Variants in SULT2B1 observed in about 807,000 individuals in gnomAD.
SULT2B1 encodes sulfotransferase family 2B member 1.
SULT2B1 carries 16 observed loss-of-function variants against 33.2 expected under a neutral mutation model. The ratio of observed to expected loss-of-function variants is 0.48; its 90% CI spans 0.33 to 0.73. SULT2B1 has a LOEUF of 0.73. Among genes scored for constraint, SULT2B1 ranks in the 30% least tolerant of loss-of-function variants. SULT2B1 has a pLI of 0.02. For missense variants in SULT2B1, 500 were observed against 506.0 expected (o/e 0.99, Z 0.11); for synonymous variants, 186 against 200.5 (o/e 0.93, Z 0.61).
chr19:48,572,768 C>T (rs187230824), intron 1 of SULT2B1, among the ~76,000 whole-genome samples: 2 of 151,872 alleles, frequency 1.3e-5, no homozygotes, highest in East Asian at 2.0e-4. Context: ...GAGGAGAAGG[C>T]CTGAGGTGGG....
At chr19:48,584,563 C>T (rs1973538691) in intron 2 of SULT2B1, among the ~76,000 whole-genome samples, 1 of 152,190 alleles carries the variant, frequency 6.6e-6, no homozygotes, top group Admixed American at 6.5e-5. Flanking sequence ...AAGTTGGAGC[C>T]ACCAGCCTGT....
At chr19:48,577,574 C>G (rs981624342) in intron 2 of SULT2B1, among the ~76,000 whole-genome samples, 7 of 151,680 alleles carry the variant, frequency 4.6e-5, no homozygotes, top group African/African-American at 1.7e-4. Context: ...CCGTACTGGC[C>G]AGGATGGTCT....
chr19:48,573,269 G>A (rs764701179), intron 1 of SULT2B1, among the ~76,000 whole-genome samples: 2 of 151,980 alleles, frequency 1.3e-5, no homozygotes, highest in African/African-American at 2.4e-5. Flanking sequence ...CCACCCACCC[G>A]GAGGAGCTCT....
At chr19:48,577,427 G>A (rs1251098562) in intron 2 of SULT2B1, among the ~76,000 whole-genome samples, 7 of 134,672 alleles carry the variant, frequency 5.2e-5, no homozygotes, top group African/African-American at 1.1e-4. Context: ...GTGCAGTGGC[G>A]TGATCTCGGC....
At chr19:48,554,428 T>C (rs1180822587) in intron 1 of SULT2B1, among the ~76,000 whole-genome samples, 2 of 94,796 alleles carry the variant, frequency 2.1e-5, no homozygotes, top group African/African-American at 8.5e-5. Context: ...AGCCTGTCAG[T>C]CCCCAACCCC....
At chr19:48,572,129 G>C (rs919948936) in intron 1 of SULT2B1, among the ~76,000 whole-genome samples, 4 of 152,094 alleles carry the variant, frequency 2.6e-5, no homozygotes, top group Non-Finnish European at 5.9e-5. Flanking sequence ...GGATTGGAGG[G>C]GGATGGACAG....
Position 48,599,289 on chromosome 19 carries a change from T to TGAGCCC in SULT2B1, c.982_987dup (p.Glu328_Pro329dup). ...CAGATCCTGAGCCCAGCCCTGAGCC[T>TGAGCCC]GAGCCCAAGCCCAGCCTTGAGCCCA... On this transcript the variant is annotated inframe_insertion, in exon 7 of 7. Transcript: ENST00000201586. The surrounding 1 kb of genome is among the most constrained non-coding windows in gnomAD (Gnocchi z 4.1). The TGAGCCC allele has an allele frequency of 6.2e-7, 1 of 1,610,342 alleles. No individual in the cohort carries two copies. Among genetic ancestry groups the TGAGCCC allele is most frequent in the Non-Finnish European group, 8.5e-7 (1 of 1,178,560 alleles).
At chr19:48,583,298 A>G (rs1286679485) in intron 2 of SULT2B1, among the ~76,000 whole-genome samples, 1 of 152,144 alleles carries the variant, frequency 6.6e-6, no homozygotes, top group East Asian at 1.9e-4. Flanking sequence ...AAAAAATTAA[A>G]GATAGAATTA....
intron 1 of SULT2B1, among the ~76,000 whole-genome samples, chr19:48,568,285 CA>C (rs1325928170): frequency 0.016 from 1,313 of 82,458 alleles, 8 homozygotes; most frequent in Middle Eastern, 0.083. Flanking sequence ...GACTCCATCT[CA>C]AAAAAAAAAA....
At chr19:48,594,896 A>G (rs892646374) in intron 5 of SULT2B1, among the ~76,000 whole-genome samples, 18 of 51,614 alleles carry the variant, frequency 3.5e-4, no homozygotes, top group South Asian at 1.4e-3. Flanking sequence ...GTGCATGCCT[A>G]TAATCCCAGC....
At chr19:48,580,405 A>G (rs1410577214) in intron 2 of SULT2B1, among the ~76,000 whole-genome samples, 2 of 151,250 alleles carry the variant, frequency 1.3e-5, no homozygotes, top group Non-Finnish European at 2.9e-5. Flanking sequence ...GACCACAGAC[A>G]TGCACCACCA....
chr19:48,597,888 C>T (rs1387477520), intron 6 of SULT2B1, among the ~76,000 whole-genome samples: 25 of 152,016 alleles, frequency 1.6e-4, no homozygotes, highest in Non-Finnish European at 2.9e-5. Flanking sequence ...CCCGCCTCTT[C>T]CTCCCAAAGT....
chr19:48,586,427 A>G (rs1361679776), intron 2 of SULT2B1, among the ~76,000 whole-genome samples: 1 of 152,048 alleles, frequency 6.6e-6, no homozygotes, highest in East Asian at 1.9e-4. Flanking sequence ...GGAGTCCCAG[A>G]TTCTCCCCTG....
At position 48,565,352 on chromosome 19, in the gene SULT2B1, T is replaced by G. The variant is rs1001900092; in HGVS notation, c.72-10589T>G. On this transcript the variant is annotated intron_variant, in intron 1 of 6. Coordinates refer to ENST00000201586, the MANE Select transcript of SULT2B1 (RefSeq NM_177973.2). ...TATGGGGGGGTGTGTGTGTGTGTGT[T>G]TGTGTGTATGTGTGAGAGAGAGAGA... 5.3e-5 allele frequency among the ~76,000 whole-genome samples: 8 copies of G among 151,136 alleles called. No individual in the cohort carries two copies. The Admixed American group carries it at 5.3e-4, about 10-fold the overall frequency.
chr19:48,582,742 C>G (rs550442375), intron 2 of SULT2B1, among the ~76,000 whole-genome samples: 35 of 152,130 alleles, frequency 2.3e-4, no homozygotes, highest in Admixed American at 2.0e-4. Flanking sequence ...ACTCGGAAGG[C>G]TGAGGCATGA....
chr19:48,569,399 T>TATA, intron 1 of SULT2B1, among the ~76,000 whole-genome samples: 1 of 136,648 alleles, frequency 7.3e-6, no homozygotes, highest in Non-Finnish European at 1.6e-5. Flanking sequence ...TATATATATA[T>TATA]GATAAATTTT....
intron 5 of SULT2B1, among the ~76,000 whole-genome samples, chr19:48,594,112 T>A (rs1973680472): frequency 6.6e-6 from 1 of 151,416 alleles, no homozygotes; most frequent in African/African-American, 2.4e-5. Flanking sequence ...TACAAAAAAA[T>A]TAGGCGGCCA....
At chr19:48,597,240 A>G (rs1255302870) in intron 6 of SULT2B1, among the ~76,000 whole-genome samples, 1 of 152,076 alleles carries the variant, frequency 6.6e-6, no homozygotes, top group African/African-American at 2.4e-5. Flanking sequence ...AGAAATACTC[A>G]AGCCCTGGGT....
chr19:48,569,169 T>C (rs1266236195), intron 1 of SULT2B1, among the ~76,000 whole-genome samples: 2 of 151,114 alleles, frequency 1.3e-5, no homozygotes, highest in Admixed American at 6.6e-5. Flanking sequence ...GGTGAAACCC[T>C]GTCTCTACTA....
Sources: gnomAD v4.1 joint callset for allele counts (sites outside exome capture counted in the v4.1 genomes callset) on GRCh38, gnomAD v4.1.1 for gene constraint, Gnocchi (gnomAD v3.1) non-coding constraint, MANE v1.5 for transcripts, NCBI Gene and HGNC (gene_info 2026-07-23, HGNC 2026-07-21) for gene names.